Variants in SMYD3 observed in about 807,000 individuals in gnomAD.
SMYD3 encodes histone-lysine N-methyltransferase SMYD3.
Under a neutral mutation model 57.7 loss-of-function variants are expected in SMYD3, and 36 were observed. That is an observed-to-expected ratio of 0.62 (90% CI 0.48 to 0.82). The LOEUF is 0.82. SMYD3 is among the 40% of genes least tolerant of loss of function. The pLI is 0.00. For missense variants in SMYD3, 515 were observed against 538.8 expected (o/e 0.96, Z 0.44); for synonymous variants, 211 against 195.0 (o/e 1.08, Z -0.68).
At chr1:246,440,623 G>C (rs2067447811) in intron 1 of SMYD3, among the ~76,000 whole-genome samples, 2 of 151,912 alleles carry the variant, frequency 1.3e-5, no homozygotes, top group Non-Finnish European at 2.9e-5. Flanking sequence ...AAATATTTGG[G>C]GGCATAAAAA....
At chr1:245,786,594 T>C in intron 10 of SMYD3, among the ~76,000 whole-genome samples, 1 of 151,712 alleles carries the variant, frequency 6.6e-6, no homozygotes. Context: ...ATATTTCCAA[T>C]CAATGCAAGA....
chr1:245,858,706 A>G (rs2148478718), intron 9 of SMYD3, 36 bp from the exon 10 acceptor site: 1 of 1,589,220 alleles, frequency 6.3e-7, no homozygotes, highest in East Asian at 2.2e-5. Flanking sequence ...CATTGTCTTC[A>G]TCAAGAAAAA....
intron 10 of SMYD3, among the ~76,000 whole-genome samples, chr1:245,769,213 G>T (rs1572283865): frequency 6.6e-6 from 1 of 152,070 alleles, no homozygotes; most frequent in Non-Finnish European, 1.5e-5. Flanking sequence ...TTTTACAGTG[G>T]GTGGATTAAC....
chr1:246,348,206 A>C (rs1378944423), intron 2 of SMYD3, among the ~76,000 whole-genome samples: 2 of 151,678 alleles, frequency 1.3e-5, no homozygotes, highest in African/African-American at 4.8e-5. Context: ...GCCTGAGGTC[A>C]GCAGTTCGAG....
chr1:246,176,326 T>C (rs530993508), intron 5 of SMYD3, among the ~76,000 whole-genome samples: 4 of 152,274 alleles, frequency 2.6e-5, no homozygotes, highest in African/African-American at 7.2e-5. Context: ...GTCCGGCTCT[T>C]AAGAAGGACT....
chr1:246,087,442 G>C (rs1034469610), intron 5 of SMYD3, among the ~76,000 whole-genome samples: 1 of 152,058 alleles, frequency 6.6e-6, no homozygotes, highest in African/African-American at 2.4e-5. Flanking sequence ...TTTAAAAAGT[G>C]TCCTTGATTT....
At chr1:246,286,901 T>C (rs2064579405) in intron 5 of SMYD3, among the ~76,000 whole-genome samples, 1 of 151,442 alleles carries the variant, frequency 6.6e-6, no homozygotes, top group African/African-American at 2.4e-5. Context: ...TGAGACAGTC[T>C]TGCTCTATCA....
chr1:246,139,260 T>C (rs999499333), intron 5 of SMYD3, among the ~76,000 whole-genome samples: 1 of 152,242 alleles, frequency 6.6e-6, no homozygotes, highest in African/African-American at 2.4e-5. Flanking sequence ...CAAAAAATGT[T>C]TATAAAATAT....
intron 5 of SMYD3, among the ~76,000 whole-genome samples, chr1:246,176,781 C>T (rs991566963): frequency 6.6e-6 from 1 of 152,160 alleles, no homozygotes; most frequent in Non-Finnish European, 1.5e-5. Flanking sequence ...CCTCGGCCTC[C>T]CAAAGTGTTG....
chr1:246,378,870 A>ATATATATTTATATAGTATATATAAT (rs1558433904), intron 1 of SMYD3, among the ~76,000 whole-genome samples: 1 of 121,202 alleles, frequency 8.3e-6, no homozygotes, highest in Non-Finnish European at 1.6e-5. Context: ...GTATATATAA[A>ATATATATTTATATAGTATATATAAT]TATATTATAT....
At chr1:245,792,544 T>C (rs555446223) in intron 10 of SMYD3, among the ~76,000 whole-genome samples, 57 of 152,336 alleles carry the variant, frequency 3.7e-4, no homozygotes, top group African/African-American at 1.3e-3. Flanking sequence ...AAAAAAAATT[T>C]TTTTATTCCA....
chr1:246,049,700 C>T (rs1198080651), intron 5 of SMYD3, among the ~76,000 whole-genome samples: 1 of 152,170 alleles, frequency 6.6e-6, no homozygotes, highest in East Asian at 1.9e-4. Context: ...CTGCCTGTAA[C>T]TGAAAAACAA....
intron 1 of SMYD3, among the ~76,000 whole-genome samples, chr1:246,424,195 TAGG>T (rs2067185508): frequency 6.6e-6 from 1 of 151,796 alleles, no homozygotes; most frequent in African/African-American, 2.4e-5. Context: ...GCACAGAAAA[TAGG>T]AGGGGAGAAT....
chr1:246,193,772 C>T (rs182318664), intron 5 of SMYD3: 1 of 152,396 alleles, frequency 6.6e-6, no homozygotes, highest in Non-Finnish European at 1.5e-5. Context: ...ATCAGTTCTT[C>T]CGAGCCGCAG....
chr1:246,445,373 G>C (rs2067537423), intron 1 of SMYD3, among the ~76,000 whole-genome samples: 1 of 152,174 alleles, frequency 6.6e-6, no homozygotes. Flanking sequence ...GCAAAATGGA[G>C]ACATATTTTC....
In SMYD3 at chr1:245,984,531, G is replaced by C. The variant is rs560380117; in HGVS notation, c.532-54594C>G. On this transcript the variant is annotated intron_variant, in intron 5 of 11. Transcript: ENST00000490107. ...CAGGAGCTCTCCAGCTTGAGTGTGC[G>C]TGAGAATCACCCAGAAGGCTCATTG... Among the ~76,000 whole-genome samples, 11 of 152,258 alleles carry C rather than the reference G, an allele frequency of 7.2e-5. No individual in the cohort carries two copies. The South Asian group carries it at 2.1e-3, about 29-fold the overall frequency.
At chr1:245,835,716 G>A (rs1386210295) in intron 10 of SMYD3, among the ~76,000 whole-genome samples, 1 of 152,108 alleles carries the variant, frequency 6.6e-6, no homozygotes, top group Non-Finnish European at 1.5e-5. Context: ...CAGGGGCAGG[G>A]GACCTTTCTA....
intron 7 of SMYD3, 109 bp downstream of exon 7, chr1:245,927,822 G>T: frequency 1.3e-6 from 1 of 762,366 alleles, no homozygotes; most frequent in Non-Finnish European, 2.2e-6. Flanking sequence ...ACTGGCAGAA[G>T]GACAATGAAA....
chr1:246,186,780 T>G, intron 5 of SMYD3: 6 of 985,416 alleles, frequency 6.1e-6, no homozygotes, highest in Non-Finnish European at 7.2e-6. Flanking sequence ...CAACAGCAGT[T>G]CCTCAGCCAA....
Sources: gnomAD v4.1 joint callset for allele counts (sites outside exome capture counted in the v4.1 genomes callset) on GRCh38, gnomAD v4.1.1 for gene constraint, MANE v1.5 for transcripts, NCBI Gene and HGNC (gene_info 2026-07-23, HGNC 2026-07-21) for gene names.